Variants in OSBPL5 observed in about 807,000 individuals in gnomAD.
OSBPL5 encodes oxysterol binding protein like 5.
In OSBPL5, 71 loss-of-function variants were observed where a neutral mutation model predicts 111.2. The ratio of observed to expected loss-of-function variants is 0.64; its 90% CI spans 0.53 to 0.78. The LOEUF (loss-of-function observed/expected upper bound fraction) is 0.78. Among genes scored for constraint, OSBPL5 ranks in the 30% least tolerant of loss-of-function variants. OSBPL5 has a pLI of 0.00. For synonymous variants in OSBPL5, 549 were observed against 513.9 expected (o/e 1.07, Z -0.93); for missense variants, 1,210 against 1,189.3 (o/e 1.02, Z -0.26).
chr11:3,132,825 C>G (rs1845848709), intron 1 of OSBPL5, among the ~76,000 whole-genome samples: 1 of 152,226 alleles, frequency 6.6e-6, no homozygotes, highest in Non-Finnish European at 1.5e-5. Context: ...AGATGCAGCG[C>G]AGGTGAGGGG....
chr11:3,144,650 C>T (rs1310188054), intron 1 of OSBPL5, among the ~76,000 whole-genome samples: 1 of 152,242 alleles, frequency 6.6e-6, no homozygotes, highest in Non-Finnish European at 1.5e-5. Flanking sequence ...ACTTTGGGGA[C>T]ACCCCATGTT....
In OSBPL5 at chr11:3,121,341, A is replaced by G. The variant is rs553327469; in HGVS notation, c.402+656T>C. 6.6e-6 allele frequency among the ~76,000 whole-genome samples: 1 copy of G among 152,264 alleles called. No homozygotes were observed. Among genetic ancestry groups the G allele is most frequent in the African/African-American group, 2.4e-5 (1 of 41,554 alleles). On this transcript the variant is annotated intron_variant, in intron 5 of 21. Coordinates refer to ENST00000263650, the MANE Select transcript of OSBPL5 (RefSeq NM_020896.4). The surrounding 1 kb of genome is among the most constrained non-coding windows in gnomAD (Gnocchi z 4.3). Reference sequence around the variant, plus strand: ...CCAAAGTGTTGGGATTACAGGTGTGAGCCACTGCACCCGGCCTGGCAGCTC... The same window carrying G: ...CCAAAGTGTTGGGATTACAGGTGTGGGCCACTGCACCCGGCCTGGCAGCTC...
intron 3 of OSBPL5, among the ~76,000 whole-genome samples, chr11:3,124,811 A>AATGG (rs71035488): frequency 0.053 from 8,005 of 150,716 alleles, 326 homozygotes; most frequent in African/African-American, 0.11. Flanking sequence ...TGAATGGATG[A>AATGG]ATGGATGGAT....
chr11:3,133,044 G>C (rs1188392075), intron 1 of OSBPL5, among the ~76,000 whole-genome samples: 1 of 152,198 alleles, frequency 6.6e-6, no homozygotes, highest in African/African-American at 2.4e-5. Flanking sequence ...TCCAGGACAG[G>C]GCAGGGTCCT....
intron 11 of OSBPL5, 45 bp from the exon 12 acceptor site, chr11:3,102,326 G>GT: frequency 1.9e-6 from 3 of 1,541,244 alleles, no homozygotes; most frequent in Non-Finnish European, 2.6e-6. Context: ...TGGGTAAGAG[G>GT]TCCGCTGTGC....
chr11:3,129,599 C>T (rs1169758565), intron 1 of OSBPL5, among the ~76,000 whole-genome samples: 2 of 152,168 alleles, frequency 1.3e-5, no homozygotes, highest in African/African-American at 4.8e-5. Context: ...AGAAGATGCA[C>T]GGGGGTGAGA....
Position 3,157,185 on chromosome 11 carries a change from G to A in OSBPL5, c.-22+8031C>T, listed in dbSNP as rs142003147. On this transcript the variant is annotated intron_variant, in intron 1 of 21. Transcript: ENST00000263650. ...GCCAAACACATGGGAGCAGACTCACGGCCCACGAGGGAGGAAAGCAAGCGG... is the reference window on the plus strand; with the variant it reads ...GCCAAACACATGGGAGCAGACTCACAGCCCACGAGGGAGGAAAGCAAGCGG... 2.0e-3 allele frequency among the ~76,000 whole-genome samples: 310 copies of A among 152,374 alleles called. 1 individual carries two copies. The highest frequency in any genetic ancestry group is 6.8e-3 in the Middle Eastern group (2 of 294).
chr11:3,122,544 T>A, intron 3 of OSBPL5, 116 bp from the exon 4 acceptor site: 1 of 884,732 alleles, frequency 1.1e-6, no homozygotes, highest in Non-Finnish European at 1.7e-6. Context: ...GGCGCTCCAC[T>A]CGTTTCCCGC....
At chr11:3,158,736 C>A (rs1187395545) in intron 1 of OSBPL5, among the ~76,000 whole-genome samples, 1 of 152,242 alleles carries the variant, frequency 6.6e-6, no homozygotes, top group Non-Finnish European at 1.5e-5. Context: ...AGTCTCAAAC[C>A]TTTGAAAACT....
At chr11:3,151,743 C>A (rs1262433847) in intron 1 of OSBPL5, among the ~76,000 whole-genome samples, 1 of 152,234 alleles carries the variant, frequency 6.6e-6, no homozygotes, top group East Asian at 1.9e-4. Flanking sequence ...CGGCAGATGC[C>A]AGTCTGCCCC....
chr11:3,152,072 G>A (rs534346419), intron 1 of OSBPL5, among the ~76,000 whole-genome samples: 39 of 152,338 alleles, frequency 2.6e-4, no homozygotes, highest in African/African-American at 9.1e-4. Flanking sequence ...CCAGCCTCCC[G>A]ATTACATCAA....
intron 3 of OSBPL5, among the ~76,000 whole-genome samples, chr11:3,123,171 G>A (rs936554267): frequency 6.6e-6 from 1 of 152,196 alleles, no homozygotes; most frequent in Non-Finnish European, 1.5e-5. Flanking sequence ...TATCTTGGAG[G>A]CAGAAGGGGG....
At position 3,161,994 on chromosome 11, in the gene OSBPL5, G is replaced by A. The variant is rs71478504; in HGVS notation, c.-22+3222C>T. On this transcript the variant is annotated intron_variant, in intron 1 of 21. Coordinates refer to ENST00000263650, the MANE Select transcript of OSBPL5 (RefSeq NM_020896.4). This position sits in a 1 kb window ranked among gnomAD's most constrained non-coding sequence, Gnocchi z 8.0. Reference sequence around the variant, plus strand: ...GGAGAGGGAGGGGAGGGGAGGGGGAGAGGAGAACAAGGGAAGGGAGACAGA... The same window carrying A: ...GGAGAGGGAGGGGAGGGGAGGGGGAAAGGAGAACAAGGGAAGGGAGACAGA... Among the ~76,000 whole-genome samples the A allele has an allele frequency of 3.3e-5, 5 of 152,040 alleles. No homozygotes were observed. The highest frequency in any genetic ancestry group is 5.9e-5 in the Non-Finnish European group (4 of 67,962).
chr11:3,114,595 T>C (rs993743193), intron 7 of OSBPL5, among the ~76,000 whole-genome samples: 3 of 137,588 alleles, frequency 2.2e-5, no homozygotes, highest in Non-Finnish European at 4.7e-5. Context: ...ACAATGATTT[T>C]TTTTTTTTTT....
intron 7 of OSBPL5, 76 bp from the exon 8 acceptor site, chr11:3,108,021 G>C: frequency 6.5e-7 from 1 of 1,530,482 alleles, no homozygotes; most frequent in South Asian, 1.2e-5. Context: ...CCACCAGGAG[G>C]CTCCCCCTCA....
rs1301011655 is a variant in OSBPL5 at position 3,128,950 on chromosome 11, C to T, written c.136+63G>A. The stretch of plus-strand genomic sequence containing the variant: ...AAGGGGCACAGAGGGGTTGGGCCGC[C>T]CGGGGTCACCCCACCGGGCCCAAGC... On this transcript the variant is annotated intron_variant, in intron 2 of 21. Coordinates refer to ENST00000263650, the MANE Select transcript of OSBPL5 (RefSeq NM_020896.4). The T allele has an allele frequency of 2.1e-6, 3 of 1,397,678 alleles. No individual in the cohort carries two copies. The Admixed American group carries it at 9.5e-5, about 44-fold the overall frequency. The allele number at this position is 1,397,678 out of a possible 1,614,324, so 86.6% of individuals were successfully genotyped here.
intron 1 of OSBPL5, among the ~76,000 whole-genome samples, chr11:3,132,886 G>T (rs1156298708): frequency 1.3e-5 from 2 of 152,184 alleles, no homozygotes; most frequent in Non-Finnish European, 2.9e-5. Flanking sequence ...AGGGACACGC[G>T]GTAGGTGCTT....
Position 3,107,216 on chromosome 11 carries a change from GC to G in OSBPL5, c.1059+46del. 2.5e-6 allele frequency: 4 copies of G among 1,581,870 alleles called. No individual in the cohort carries two copies. The African/African-American group carries it at 4.1e-5, about 16-fold the overall frequency. The stretch of plus-strand genomic sequence containing the variant: ...GCTACCTCTGCTTCCGGAACAAGGG[GC>G]CGAGGCAGGGGAGACGCTTGGGGCT... On this transcript the variant is annotated intron_variant, in intron 9 of 21. Transcript: ENST00000263650. The surrounding 1 kb of genome is among the most constrained non-coding windows in gnomAD (Gnocchi z 6.1).
rs910484186 is a variant in OSBPL5, at chr11:3,109,712, T to C, written c.692-1767A>G. Among the ~76,000 whole-genome samples the C allele has an allele frequency of 5.9e-5, 9 of 151,622 alleles. No individual in the cohort carries two copies. The highest frequency in any genetic ancestry group is 1.0e-4 in the Non-Finnish European group (7 of 67,882). Reference sequence around the variant, plus strand: ...GCCAAGCCTGGGCGGAACACCAGGGTTGGGGGAGGGATGGCAGTGGATGGT... The same window carrying C: ...GCCAAGCCTGGGCGGAACACCAGGGCTGGGGGAGGGATGGCAGTGGATGGT... On this transcript the variant is annotated intron_variant, in intron 7 of 21. Transcript: ENST00000263650. The surrounding 1 kb of genome is among the most constrained non-coding windows in gnomAD (Gnocchi z 7.4).
Sources: gnomAD v4.1 joint callset for allele counts (sites outside exome capture counted in the v4.1 genomes callset) on GRCh38, gnomAD v4.1.1 for gene constraint, Gnocchi (gnomAD v3.1) non-coding constraint, MANE v1.5 for transcripts, NCBI Gene and HGNC (gene_info 2026-07-23, HGNC 2026-07-21) for gene names.